Variants in TESC observed in about 807,000 individuals in gnomAD.
TESC encodes the protein calcineurin B homologous protein 3.
A neutral mutation model predicts 31.0 loss-of-function variants in TESC; 19 were observed. That is an observed-to-expected ratio of 0.61 (90% CI 0.43 to 0.90). TESC has a LOEUF of 0.90. Among genes scored for constraint, TESC ranks in the 40% least tolerant of loss-of-function variants. The probability of loss-of-function intolerance (pLI) is 0.00; values close to 1 mark genes in which losing one functional copy is unlikely to be tolerated. For missense variants in TESC, 248 were observed against 303.8 expected, an observed-to-expected ratio of 0.82 and a Z score of 1.36; for synonymous variants, 109 against 114.8, an observed-to-expected ratio of 0.95 and a Z score of 0.32.
chr12:117,079,286 G>A (rs1955113526), intron 1 of TESC, among the ~76,000 whole-genome samples: 1 of 152,138 alleles, frequency 6.6e-6, no homozygotes, highest in Admixed American at 6.5e-5. Context: ...TTATGGCTGG[G>A]CGTGGTGGCT....
At chr12:117,079,189 A>AC (rs1955112393) in intron 1 of TESC, among the ~76,000 whole-genome samples, 1 of 152,016 alleles carries the variant, frequency 6.6e-6, no homozygotes, top group East Asian at 1.9e-4. Flanking sequence ...TGATCACTTA[A>AC]CCCCCAAAAC....
chr12:117,065,490 C>T (rs907087299), intron 2 of TESC, among the ~76,000 whole-genome samples: 1 of 152,096 alleles, frequency 6.6e-6, no homozygotes, highest in African/African-American at 2.4e-5. Context: ...GAGGTGCTTG[C>T]TTTGAAAGGG....
chr12:117,085,974 T>C (rs1254125125), intron 1 of TESC, among the ~76,000 whole-genome samples: 2 of 152,134 alleles, frequency 1.3e-5, no homozygotes, highest in Non-Finnish European at 2.9e-5. Flanking sequence ...TGATGAGATG[T>C]TATAAAGCAA....
chr12:117,052,945 C>A lies in TESC; in HGVS notation c.210-3787G>T, dbSNP rs988470683. Among the ~76,000 whole-genome samples the A allele has an allele frequency of 3.1e-5, 4 of 129,880 alleles. No homozygotes were observed. The South Asian group carries it at 6.9e-4, about 23-fold the overall frequency. The allele number at this position is 129,880 out of a possible 152,430, so 85.2% of individuals were successfully genotyped here. On this transcript the variant is annotated intron_variant, in intron 3 of 7. Transcript: ENST00000335209. Reference sequence around the variant, plus strand: ...GCTCAGCACCCTCCTGGGGCCTCCCCAGTTCTCCTGGTAATCCCCAATCCC... The same window carrying A: ...GCTCAGCACCCTCCTGGGGCCTCCCAAGTTCTCCTGGTAATCCCCAATCCC...
intron 1 of TESC, among the ~76,000 whole-genome samples, chr12:117,082,405 G>A (rs145546278): frequency 0.015 from 2,289 of 152,060 alleles, 68 homozygotes; most frequent in African/African-American, 0.053. Context: ...TCAGAGGGCT[G>A]AGGCAGAAGA....
intron 3 of TESC, among the ~76,000 whole-genome samples, chr12:117,054,762 GC>G (rs1429773257): frequency 6.6e-6 from 1 of 152,140 alleles, no homozygotes; most frequent in Non-Finnish European, 1.5e-5. Flanking sequence ...CATCAGGGAA[GC>G]CCCCACGGTC....
chr12:117,065,294 G>C (rs1954860781), intron 2 of TESC, among the ~76,000 whole-genome samples: 1 of 152,184 alleles, frequency 6.6e-6, no homozygotes, highest in African/African-American at 2.4e-5. Flanking sequence ...GCAGGGGCTG[G>C]GGGAGCAGAG....
chr12:117,095,659 A>G (rs899235633), intron 1 of TESC, among the ~76,000 whole-genome samples: 3 of 152,108 alleles, frequency 2.0e-5, no homozygotes, highest in African/African-American at 7.2e-5. Context: ...TGGGAGGATC[A>G]CTTTGAGGCC....
At chr12:117,071,685 G>A (rs779585082) in intron 2 of TESC, among the ~76,000 whole-genome samples, 8 of 152,166 alleles carry the variant, frequency 5.3e-5, no homozygotes, top group Non-Finnish European at 8.8e-5. Flanking sequence ...CCTGGGGATG[G>A]GTGTGCAGGA....
At position 117,096,052 on chromosome 12, in the gene TESC, T is replaced by C. The variant is rs548047430; in HGVS notation, c.58+3173A>G. ...TAACACTGCCTTCCTGGGGGATCAT[T>C]ACTATAAAGAGTGTTATGCAGAGAG... is the stretch of plus-strand genomic sequence containing the variant. On this transcript the variant is annotated intron_variant, in intron 1 of 7. Coordinates refer to ENST00000335209, the MANE Select transcript of TESC (RefSeq NM_017899.4). Among the ~76,000 whole-genome samples the C allele has an allele frequency of 7.9e-5, 12 of 152,266 alleles. No homozygotes were observed. In the South Asian group the frequency reaches 1.7e-3, roughly 21 times the overall value.
At chr12:117,046,429 G>A (rs1954559894) in intron 6 of TESC, 130 bp downstream of exon 6, 1 of 889,392 alleles carries the variant, frequency 1.1e-6, no homozygotes, top group Non-Finnish European at 1.7e-6. Flanking sequence ...AGAGGTTCCT[G>A]AGCCCCACAG....
At chr12:117,098,552 C>T (rs1187964575) in intron 1 of TESC, 2 of 152,374 alleles carry the variant, frequency 1.3e-5, no homozygotes, top group African/African-American at 4.8e-5. Flanking sequence ...CCAGGCCTCC[C>T]AGGGCTCCCC....
intron 2 of TESC, among the ~76,000 whole-genome samples, chr12:117,062,557 G>C (rs1377725166): frequency 6.6e-6 from 1 of 152,182 alleles, no homozygotes; most frequent in African/African-American, 2.4e-5. Flanking sequence ...CTGAGGCAGA[G>C]AGATGAAGCC....
intron 2 of TESC, among the ~76,000 whole-genome samples, chr12:117,063,287 A>C (rs1444821103): frequency 6.6e-6 from 1 of 151,862 alleles, no homozygotes; most frequent in Non-Finnish European, 1.5e-5. Context: ...CCTTCCTTCC[A>C]GTTGCGCATT....
intron 1 of TESC, among the ~76,000 whole-genome samples, chr12:117,085,964 T>A (rs779024177): frequency 9.2e-5 from 14 of 152,046 alleles, no homozygotes; most frequent in Non-Finnish European, 1.9e-4. Context: ...TATATCCAGG[T>A]GATGAGATGT....
intron 1 of TESC, among the ~76,000 whole-genome samples, chr12:117,096,412 C>G (rs886916448): frequency 6.6e-6 from 1 of 152,166 alleles, no homozygotes; most frequent in Non-Finnish European, 1.5e-5. Context: ...TCGTCTCGCA[C>G]GTAACCTTAT....
intron 2 of TESC, among the ~76,000 whole-genome samples, chr12:117,059,200 C>G (rs752932492): frequency 5.9e-5 from 9 of 152,210 alleles, no homozygotes; most frequent in Non-Finnish European, 1.2e-4. Context: ...AGGGACTCTA[C>G]GCCGTTTGGG....
chr12:117,048,667 C>A (rs2135751880), intron 4 of TESC: 2 of 481,036 alleles, frequency 4.2e-6, no homozygotes, highest in Non-Finnish European at 8.2e-6. Context: ...CAGAACCACG[C>A]ATGATCGGCA....
At chr12:117,041,458 G>A (rs1041837048) in intron 7 of TESC, among the ~76,000 whole-genome samples, 2 of 151,656 alleles carry the variant, frequency 1.3e-5, no homozygotes, top group Admixed American at 6.6e-5. Flanking sequence ...TCTGCCTCCC[G>A]AGTAGCTGGG....
Sources: allele counts gnomAD v4.1 joint callset (sites outside exome capture counted in the v4.1 genomes callset), GRCh38; gene constraint gnomAD v4.1.1; transcripts MANE v1.5; gene names NCBI Gene and HGNC (gene_info 2026-07-23, HGNC 2026-07-21).